The following HTR1F variants were observed in gnomAD, a reference collection of about 807,000 sequenced individuals.
The protein encoded by HTR1F is 5-hydroxytryptamine (serotonin) receptor 1F, G protein-coupled.
Under a neutral mutation model 24.0 loss-of-function variants are expected in HTR1F, and 17 were observed. That is an observed-to-expected ratio of 0.71 (90% CI 0.48 to 1.06). The LOEUF (loss-of-function observed/expected upper bound fraction) is 1.06, where lower values mean the gene tolerates loss of function less well. Among genes scored for constraint, HTR1F ranks in the 50% least tolerant of loss-of-function variants. HTR1F has a pLI of 0.00. For missense variants in HTR1F, 391 were observed against 427.8 expected, an observed-to-expected ratio of 0.91 and a Z score of 0.76; for synonymous variants, 186 against 156.8, an observed-to-expected ratio of 1.19 and a Z score of -1.39.
intron 2 of HTR1F, among the ~76,000 whole-genome samples, chr3:87,923,458 G>C (rs1244752694): frequency 1.3e-5 from 2 of 151,300 alleles, no homozygotes; most frequent in Non-Finnish European, 1.5e-5. Context: ...GATTTTTTTG[G>C]TCCTTGATTA....
chr3:87,987,819 A>T lies in HTR1F; in HGVS notation c.-42-2889A>T, dbSNP rs569486936. 1.4e-3 allele frequency among the ~76,000 whole-genome samples: 206 copies of T among 143,166 alleles called. 2 individuals carry two copies. The highest frequency in any genetic ancestry group is 0.011 in the South Asian group (52 of 4,716). 93.9% of individuals were successfully genotyped at this position (143,166 alleles called of 152,430 possible). A position where few individuals can be genotyped will look rare whatever the true frequency, so the allele number is the denominator to read the frequency against. ...AAAATATATGTATTATATATGTATT[A>T]TATATATATAAAATATATGTATTAT... On this transcript the variant is annotated intron_variant, in intron 2 of 2. Transcript: ENST00000319595.
chr3:87,846,437 A>C (rs933377751), intron 2 of HTR1F, among the ~76,000 whole-genome samples: 21 of 129,404 alleles, frequency 1.6e-4, no homozygotes, highest in Non-Finnish European at 3.1e-4. Flanking sequence ...ACTCCATCTC[A>C]AAAAAAAAAT....
At chr3:87,873,286 G>C (rs1189883607) in intron 2 of HTR1F, among the ~76,000 whole-genome samples, 2 of 152,078 alleles carry the variant, frequency 1.3e-5, no homozygotes, top group Non-Finnish European at 2.9e-5. Context: ...GGAGCTGATG[G>C]TGTAAGTCCT....
chr3:87,808,338 AT>A (rs1559590202), intron 1 of HTR1F, among the ~76,000 whole-genome samples: 1 of 151,814 alleles, frequency 6.6e-6, no homozygotes, highest in African/African-American at 2.4e-5. Flanking sequence ...TCCTGATTCA[AT>A]CTTGGTCAGT....
intron 2 of HTR1F, among the ~76,000 whole-genome samples, chr3:87,855,810 C>T (rs1705186460): frequency 1.3e-5 from 2 of 152,062 alleles, no homozygotes; most frequent in Non-Finnish European, 2.9e-5. Flanking sequence ...TGAATCATCC[C>T]TTTGTCCAGC....
chr3:87,957,460 T>C (rs73141278), intron 2 of HTR1F, among the ~76,000 whole-genome samples: 24,703 of 151,194 alleles, frequency 0.16, 2,117 homozygotes, highest in African/African-American at 0.2. Flanking sequence ...AGGATAATTA[T>C]GAAATCAGAA....
intron 2 of HTR1F, among the ~76,000 whole-genome samples, chr3:87,887,795 G>T (rs1705986594): frequency 6.6e-6 from 1 of 152,148 alleles, no homozygotes; most frequent in African/African-American, 2.4e-5. Flanking sequence ...AGTTAGAACG[G>T]CGATCATTAA....
chr3:87,975,696 C>CTACTAAACA lies in HTR1F; in HGVS notation c.-42-15002_-42-14994dup, dbSNP rs1193949080. ...CTTTAGATAAAGTCAGTGTACATTG[C>CTACTAAACA]TACTAAACATACTAAACAAGTCTCA... On this transcript the variant is annotated intron_variant, in intron 2 of 2. Transcript: ENST00000319595. Among the ~76,000 whole-genome samples, 9 of 152,108 alleles carry CTACTAAACA rather than the reference C, an allele frequency of 5.9e-5. No individual in the cohort carries two copies. The East Asian group carries it at 1.3e-3, about 23-fold the overall frequency.
intron 2 of HTR1F, among the ~76,000 whole-genome samples, chr3:87,827,330 T>C (rs558904956): frequency 1.5e-3 from 225 of 152,232 alleles, no homozygotes; most frequent in Non-Finnish European, 2.9e-3. Context: ...CTCCCACTTA[T>C]ACTATAATTA....
chr3:87,978,879 A>G (rs1259629934), intron 2 of HTR1F, among the ~76,000 whole-genome samples: 13 of 21,418 alleles, frequency 6.1e-4, no homozygotes, highest in Non-Finnish European at 2.2e-3. Context: ...GAAGGAAGGG[A>G]GGGAGGGAGG....
At chr3:87,818,811 C>T (rs1704299401) in intron 1 of HTR1F, among the ~76,000 whole-genome samples, 1 of 152,254 alleles carries the variant, frequency 6.6e-6, no homozygotes, top group Admixed American at 6.5e-5. Context: ...GCACCCTAGA[C>T]CCCTCATTTG....
intron 2 of HTR1F, among the ~76,000 whole-genome samples, chr3:87,873,026 A>G (rs918610202): frequency 5.3e-5 from 8 of 151,930 alleles, no homozygotes; most frequent in African/African-American, 1.9e-4. Context: ...TCCCTAATGA[A>G]TATTTTATTA....
intron 2 of HTR1F, among the ~76,000 whole-genome samples, chr3:87,844,120 T>G (rs1455403562): frequency 6.6e-6 from 1 of 151,470 alleles, no homozygotes; most frequent in Non-Finnish European, 1.5e-5. Flanking sequence ...TCCACAATGG[T>G]TGAACTAGTT....
chr3:87,924,793 G>C (rs1704086213), intron 2 of HTR1F, among the ~76,000 whole-genome samples: 1 of 152,042 alleles, frequency 6.6e-6, no homozygotes, highest in Non-Finnish European at 1.5e-5. Context: ...GCTATTTCTA[G>C]AATTCTCTCT....
At chr3:87,944,729 G>C (rs1405316202) in intron 2 of HTR1F, among the ~76,000 whole-genome samples, 1 of 152,224 alleles carries the variant, frequency 6.6e-6, no homozygotes, top group African/African-American at 2.4e-5. Context: ...AAGTGGTGAG[G>C]TGTGCTCACA....
chr3:87,949,559 T>C (rs1245763546), intron 2 of HTR1F, among the ~76,000 whole-genome samples: 1 of 152,180 alleles, frequency 6.6e-6, no homozygotes, highest in Non-Finnish European at 1.5e-5. Context: ...CACAATTATC[T>C]CTCTTTTTTA....
Position 87,926,553 on chromosome 3 carries a change from C to A in HTR1F, c.-42-64155C>A, listed in dbSNP as rs529106759. On this transcript the variant is annotated intron_variant, in intron 2 of 2. Coordinates refer to ENST00000319595, the MANE Select transcript of HTR1F (RefSeq NM_001322209.2). ...TTAGACAAAGCATCAATGCCTAATA[C>A]CTAGTAAATTTCAAAGAGATCAGTA... 2.6e-5 allele frequency among the ~76,000 whole-genome samples: 4 copies of A among 152,140 alleles called. No homozygotes were observed. In the East Asian group the frequency reaches 7.7e-4, roughly 29 times the overall value.
At chr3:87,852,328 C>A (rs1336058695) in intron 2 of HTR1F, among the ~76,000 whole-genome samples, 2 of 151,610 alleles carry the variant, frequency 1.3e-5, no homozygotes, top group Admixed American at 1.3e-4. Context: ...TTATGCATTT[C>A]TGTTCCTGTT....
chr3:87,889,017 C>A (rs76536752), intron 2 of HTR1F, among the ~76,000 whole-genome samples: 13,713 of 152,102 alleles, frequency 0.09, 803 homozygotes, highest in East Asian at 0.22. Flanking sequence ...TAGATTAATG[C>A]TCTTCCTGGT....
Sources: allele counts gnomAD v4.1 joint callset (sites outside exome capture counted in the v4.1 genomes callset), GRCh38; gene constraint gnomAD v4.1.1; transcripts MANE v1.5; gene names NCBI Gene and HGNC (gene_info 2026-07-23, HGNC 2026-07-21).